Variants in CCDC171 observed in about 807,000 individuals in gnomAD.
The protein encoded by CCDC171 is coiled-coil domain-containing protein 171.
CCDC171 carries 177 observed loss-of-function variants against 168.2 expected under a neutral mutation model. The observed-to-expected ratio is 1.05, with a 90% CI of 0.93 to 1.19. CCDC171 has a LOEUF of 1.19. CCDC171 is among the 50% of genes most tolerant of loss of function. The pLI, the probability that CCDC171 is intolerant of heterozygous loss-of-function variation, is 0.00. For synonymous variants in CCDC171, 687 were observed against 540.8 expected (o/e 1.27, Z -3.75); for missense variants, 1,991 against 1,539.0 (o/e 1.29, Z -4.91).
intron 21 of CCDC171, among the ~76,000 whole-genome samples, chr9:15,789,827 C>T (rs1388162610): frequency 1.3e-5 from 2 of 148,756 alleles, no homozygotes; most frequent in Non-Finnish European, 3.0e-5. Context: ...GTTCAGTTCC[C>T]ACCTACGAAT....
At chr9:15,954,658 C>T (rs1291661065) in intron 25 of CCDC171, among the ~76,000 whole-genome samples, 1 of 141,598 alleles carries the variant, frequency 7.1e-6, no homozygotes, top group Non-Finnish European at 1.6e-5. Flanking sequence ...GTCCTGTTTT[C>T]ATGCTTGTTG....
At chr9:15,664,932 C>T (rs2048621561) in intron 8 of CCDC171, among the ~76,000 whole-genome samples, 1 of 152,044 alleles carries the variant, frequency 6.6e-6, no homozygotes, top group African/African-American at 2.4e-5. Context: ...CTCCTGACCT[C>T]AGGTGATTTG....
chr9:15,870,192 G>C (rs2061976574), intron 23 of CCDC171, among the ~76,000 whole-genome samples: 1 of 151,826 alleles, frequency 6.6e-6, no homozygotes, highest in African/African-American at 2.4e-5. Context: ...TTGGTGCATA[G>C]GTTGAAAAAT....
the CCDC171 span, among the ~76,000 whole-genome samples, chr9:16,079,754 G>T: frequency 1.3e-5 from 2 of 152,176 alleles, no homozygotes; most frequent in Non-Finnish European, 2.9e-5. Context: ...AACCTGATAC[G>T]CATGGAATCT....
chr9:15,565,726 G>T (rs1453895711), intron 2 of CCDC171, among the ~76,000 whole-genome samples: 1 of 152,102 alleles, frequency 6.6e-6, no homozygotes, highest in Non-Finnish European at 1.5e-5. Flanking sequence ...GTATTCCATT[G>T]TATGGATATG....
chr9:15,927,814 A>G lies in CCDC171; in HGVS notation c.3753+7392A>G, dbSNP rs369399273. Among the ~76,000 whole-genome samples the G allele has an allele frequency of 9.2e-5, 14 of 151,824 alleles. No homozygotes were observed. The East Asian group carries it at 2.1e-3, about 23-fold the overall frequency. ...ATACTTTACGGATAGCAGAGGGATC[A>G]TTTGTTAATTTTAGTGTTGTGTAGC... On this transcript the variant is annotated intron_variant, in intron 25 of 25. Transcript: ENST00000380701.
chr9:15,589,117 G>A (rs2041806660), intron 4 of CCDC171, among the ~76,000 whole-genome samples: 1 of 152,176 alleles, frequency 6.6e-6, no homozygotes, highest in African/African-American at 2.4e-5. Flanking sequence ...TTGATGGGGG[G>A]AAAACACGTT....
chr9:15,875,728 C>T (rs1817751301), intron 24 of CCDC171: 1 of 151,642 alleles, frequency 6.6e-6, no homozygotes, highest in Non-Finnish European at 1.5e-5. Flanking sequence ...TGCTCCATAT[C>T]CTAATTTAAT....
At chr9:15,589,114 G>A (rs528637998) in intron 4 of CCDC171, among the ~76,000 whole-genome samples, 146 of 152,244 alleles carry the variant, frequency 9.6e-4, no homozygotes, top group African/African-American at 3.4e-3. Flanking sequence ...GGATTGATGG[G>A]GGGAAAACAC....
intron 9 of CCDC171, among the ~76,000 whole-genome samples, chr9:15,677,733 C>A (rs2049691059): frequency 6.8e-6 from 1 of 147,744 alleles, no homozygotes; most frequent in Non-Finnish European, 1.5e-5. Flanking sequence ...TTTTTTCTCC[C>A]ATATATATGT....
intron 3 of CCDC171, among the ~76,000 whole-genome samples, chr9:16,007,005 A>G (rs1395975418): frequency 5.9e-5 from 9 of 152,208 alleles, no homozygotes; most frequent in Admixed American, 5.9e-4. Flanking sequence ...AGGAATCGCC[A>G]CACTGACTTC....
chr9:15,873,004 T>A (rs1039625761), intron 23 of CCDC171, among the ~76,000 whole-genome samples: 5 of 152,158 alleles, frequency 3.3e-5, no homozygotes, highest in African/African-American at 7.2e-5. Flanking sequence ...TAAATATACA[T>A]TGTGAATTGA....
chr9:15,591,095 A>G (rs1286943208), intron 4 of CCDC171, among the ~76,000 whole-genome samples: 1 of 152,092 alleles, frequency 6.6e-6, no homozygotes, highest in African/African-American at 2.4e-5. Context: ...ATATGCCTTC[A>G]GAAATATGTC....
At chr9:15,965,056 C>T (rs1357251891) in intron 25 of CCDC171, among the ~76,000 whole-genome samples, 2 of 152,158 alleles carry the variant, frequency 1.3e-5, no homozygotes, top group South Asian at 2.1e-4. Context: ...AGCTACCGTA[C>T]CTGGCCTTAA....
At chr9:15,859,981 T>C (rs2130953657) in intron 23 of CCDC171, among the ~76,000 whole-genome samples, 1 of 151,894 alleles carries the variant, frequency 6.6e-6, no homozygotes. Context: ...TTCAAGACTT[T>C]CTATTTTTTT....
Position 15,610,471 on chromosome 9 carries a change from A to C in CCDC171, c.676-12796A>C, listed in dbSNP as rs951054707. 2.9e-3 allele frequency among the ~76,000 whole-genome samples: 407 copies of C among 140,858 alleles called. 3 individuals are homozygous for C. The highest frequency in any genetic ancestry group is 4.9e-3 in the Non-Finnish European group (319 of 64,586). 92.4% of individuals were successfully genotyped at this position (140,858 alleles called of 152,430 possible). On this transcript the variant is annotated intron_variant, in intron 6 of 25. Coordinates refer to ENST00000380701, the MANE Select transcript of CCDC171 (RefSeq NM_173550.4). Reference sequence around the variant, plus strand: ...AAAAAAAAAAAAAAAAAAAAAAAAAAAAAAAAAAAACTGGGCGTGGTGGTG... The same window carrying C: ...AAAAAAAAAAAAAAAAAAAAAAAAACAAAAAAAAAACTGGGCGTGGTGGTG...
intron 24 of CCDC171, among the ~76,000 whole-genome samples, chr9:15,904,163 G>T (rs1822147028): frequency 6.6e-6 from 1 of 152,080 alleles, no homozygotes; most frequent in South Asian, 2.1e-4. Flanking sequence ...TCAAATTCAG[G>T]AAATATAGAG....
At chr9:15,771,385 A>G (rs2057004593) in intron 18 of CCDC171, among the ~76,000 whole-genome samples, 1 of 152,188 alleles carries the variant, frequency 6.6e-6, no homozygotes, top group Non-Finnish European at 1.5e-5. Context: ...TTATCAATGT[A>G]AAAGGCAAAA....
chr9:15,861,932 G>A (rs1161574914), intron 23 of CCDC171, among the ~76,000 whole-genome samples: 1 of 151,904 alleles, frequency 6.6e-6, no homozygotes, highest in African/African-American at 2.4e-5. Context: ...GTCTGTTAGT[G>A]ATGAACTTCC....
Sources: gnomAD v4.1 joint callset for allele counts (sites outside exome capture counted in the v4.1 genomes callset) on GRCh38, gnomAD v4.1.1 for gene constraint, MANE v1.5 for transcripts, NCBI Gene and HGNC (gene_info 2026-07-23, HGNC 2026-07-21) for gene names.